ADARB1: variants seen among roughly 807,000 people sequenced by gnomAD.
ADARB1 encodes the protein double-stranded RNA-specific editase 1.
Under a neutral mutation model 52.4 loss-of-function variants are expected in ADARB1, and 10 were observed. The observed-to-expected ratio is 0.19, with a 90% CI of 0.12 to 0.32. The LOEUF (loss-of-function observed/expected upper bound fraction) is 0.32, where lower values mean the gene tolerates loss of function less well. Among genes scored for constraint, ADARB1 ranks in the 10% least tolerant of loss-of-function variants. The pLI is 1.00. For synonymous variants in ADARB1, 349 were observed against 371.1 expected (o/e 0.94, Z 0.68); for missense variants, 643 against 922.3 (o/e 0.70, Z 3.92).
chr21:45,158,969 G>A (rs1296508536), intron 2 of ADARB1, among the ~76,000 whole-genome samples: 1 of 152,116 alleles, frequency 6.6e-6, no homozygotes, highest in Non-Finnish European at 1.5e-5. Flanking sequence ...ATTCGTGTAT[G>A]TGGGAGGGAG....
intron 1 of ADARB1, among the ~76,000 whole-genome samples, chr21:45,113,186 AG>A (rs1457568959): frequency 6.6e-6 from 1 of 152,100 alleles, no homozygotes; most frequent in Non-Finnish European, 1.5e-5. Context: ...GCACTTTGGG[AG>A]GCCGAGGTGG....
chr21:45,131,761 T>A (rs1021692223), intron 2 of ADARB1, among the ~76,000 whole-genome samples: 2 of 152,260 alleles, frequency 1.3e-5, no homozygotes, highest in Non-Finnish European at 2.9e-5. Context: ...CTTTAGGGGC[T>A]GGCACTTTTC....
intron 2 of ADARB1, among the ~76,000 whole-genome samples, chr21:45,133,939 G>T (rs1243180441): frequency 4.8e-5 from 5 of 104,402 alleles, no homozygotes; most frequent in Admixed American, 9.7e-5. Flanking sequence ...GCCCGACGGG[G>T]GTGTGTGCCC....
chr21:45,160,116 T>C (rs938514165), intron 2 of ADARB1, among the ~76,000 whole-genome samples: 2 of 152,230 alleles, frequency 1.3e-5, no homozygotes, highest in African/African-American at 4.8e-5. Flanking sequence ...TCACCATGTC[T>C]GCCTCCAGGC....
Position 45,176,027 on chromosome 21 carries a change from T to C in ADARB1, c.326T>C (p.Phe109Ser). Residue 109 changes from phenylalanine (F) to serine (S), a missense_variant, in exon 4 of 11, where the codon TTT (phenylalanine) becomes TCT (serine). By Grantham distance (155) the Phe-to-Ser change is radical. Transcript: ENST00000348831. The surrounding 1 kb of genome is among the most constrained non-coding windows in gnomAD (Gnocchi z 5.8). ...SQTGPVHAPL[F>S]VMSVEVNGQV... is the part of the protein sequence containing the mutation. Reference sequence around the variant, plus strand: ...ACTGGGCCCGTGCACGCGCCTTTGTTTGTCATGTCTGTGGAGGTGAATGGC... The same window carrying C: ...ACTGGGCCCGTGCACGCGCCTTTGTCTGTCATGTCTGTGGAGGTGAATGGC... 1 of 1,614,204 alleles carries C rather than the reference T, an allele frequency of 6.2e-7. No individual in the cohort carries two copies. The highest frequency in any genetic ancestry group is 1.1e-5 in the South Asian group (1 of 91,082).
At position 45,113,495 on chromosome 21, in the gene ADARB1, ATATG is replaced by A. The variant is rs746035541; in HGVS notation, c.-219-14905_-219-14902del. Among the ~76,000 whole-genome samples, 574 of 95,764 alleles carry A rather than the reference ATATG, an allele frequency of 6.0e-3. 4 individuals carry two copies. Among genetic ancestry groups the A allele is most frequent in the Non-Finnish European group, 0.011 (435 of 41,080 alleles). The allele number at this position is 95,764 out of a possible 152,430, so 62.8% of individuals were successfully genotyped here. On this transcript the variant is annotated intron_variant, in intron 1 of 10. Transcript: ENST00000348831. ...TATATATATATGTGTGTGTGTGTATATATGTGTGTGTGTGTGTGTGTGTGTGTGT... is the reference window on the plus strand; with the variant it reads ...TATATATATATGTGTGTGTGTGTATATGTGTGTGTGTGTGTGTGTGTGTGT...
In ADARB1 at chr21:45,176,787, G is replaced by A. The variant is rs17004494; in HGVS notation, c.963+123G>A. On this transcript the variant is annotated intron_variant, in intron 4 of 10. Transcript: ENST00000348831. This position sits in a 1 kb window ranked among gnomAD's most constrained non-coding sequence, Gnocchi z 5.8. ...CTTGACATCACTCTGTCCCCACCAG[G>A]AGGAGTTACTGGTAAGTCTGGCTGC... 43,804 of 1,116,522 alleles carry A rather than the reference G, an allele frequency of 0.039. 979 individuals are homozygous for A. The highest frequency in any genetic ancestry group is 0.052 in the Middle Eastern group (187 of 3,586). The allele number at this position is 1,116,522 out of a possible 1,614,324, so 69.2% of individuals were successfully genotyped here.
At chr21:45,180,240 C>T in intron 4 of ADARB1, 90 bp from the exon 5 acceptor site, 1 of 901,654 alleles carries the variant, frequency 1.1e-6, no homozygotes, top group Non-Finnish European at 1.8e-6. Flanking sequence ...CTGTGTCACT[C>T]CATAAGGGAG....
At chr21:45,086,629 G>A (rs1411598600) in intron 1 of ADARB1, among the ~76,000 whole-genome samples, 2 of 152,158 alleles carry the variant, frequency 1.3e-5, no homozygotes, top group African/African-American at 2.4e-5. Flanking sequence ...CATGTTTTTC[G>A]GGTTCATCCG....
Position 45,183,414 on chromosome 21 carries a change from T to C in ADARB1, c.1300T>C (p.Phe434Leu). ...CTTTCAGAAATCAGAGCGAGGGGGG[T>C]TTAGGCTGAAGGAGAATGTCCAGTT... is the stretch of plus-strand genomic sequence containing the variant. The part of the protein sequence containing the change: ...SIFQKSERGG[F>L]RLKENVQFHL... Residue 434 changes from phenylalanine (F) to leucine (L), a missense_variant, in exon 7 of 11, where the codon TTT becomes CTT. Physicochemically the swap from Phe to Leu is conservative, Grantham distance 22 (BLOSUM62 0). Around this residue, in one of 2 missense-constraint regions of ADARB1, gnomAD observed 263 missense variants for 475.8 expected, o/e 0.55. Coordinates refer to ENST00000348831, the MANE Select transcript of ADARB1 (RefSeq NM_001112.4). 2 of 1,610,034 alleles carry C rather than the reference T, an allele frequency of 1.2e-6. No homozygotes were observed. Among genetic ancestry groups the C allele is most frequent in the Non-Finnish European group, 1.7e-6 (2 of 1,178,804 alleles).
chr21:45,091,275 C>T (rs1174085102), intron 1 of ADARB1, among the ~76,000 whole-genome samples: 2 of 152,174 alleles, frequency 1.3e-5, no homozygotes. Flanking sequence ...TAAATCAATC[C>T]GATTTCTTCC....
rs761354640 is a variant in ADARB1 at position 45,222,116 on chromosome 21, G to A, written c.2025G>A (p.Leu675=). 1.2e-6 allele frequency: 2 copies of A among 1,612,772 alleles called. No individual in the cohort carries two copies. Among genetic ancestry groups the A allele is most frequent in the Non-Finnish European group, 1.7e-6 (2 of 1,179,660 alleles). The change falls in exon 11 of 11, where the codon CTG becomes CTA. Residue 675 remains leucine (L), a synonymous_variant. Coordinates refer to ENST00000348831, the MANE Select transcript of ADARB1 (RefSeq NM_001112.4). ...AGTACCAGGCCGCCAAGGCGCGTCTGTTCACAGCCTTCATCAAGGCGGGGC... is the reference window on the plus strand; with the variant it reads ...AGTACCAGGCCGCCAAGGCGCGTCTATTCACAGCCTTCATCAAGGCGGGGC... ...AKEYQAAKAR[L]FTAFIKAGLG... is the part of the protein sequence containing the mutation.
At chr21:45,183,600 T>A in intron 7 of ADARB1, 90 bp downstream of exon 7, 1 of 1,440,538 alleles carries the variant, frequency 6.9e-7, no homozygotes, top group Non-Finnish European at 9.4e-7. Flanking sequence ...TTTCCTTTTT[T>A]TCTTTTTATT....
intron 2 of ADARB1, among the ~76,000 whole-genome samples, chr21:45,154,089 A>G (rs2090438602): frequency 6.6e-6 from 1 of 152,228 alleles, no homozygotes; most frequent in Non-Finnish European, 1.5e-5. Flanking sequence ...TTCTTTTGGA[A>G]TTTACTGTGA....
chr21:45,097,175 C>T lies in ADARB1; in HGVS notation c.-220+22382C>T, dbSNP rs528318188. ...TTAGGTACGAGATGGGTGGGGTTGG[C>T]CCTTTCCATTCTTTAAGGAGAGTAT... On this transcript the variant is annotated intron_variant, in intron 1 of 10. Coordinates refer to ENST00000348831, the MANE Select transcript of ADARB1 (RefSeq NM_001112.4). 2.0e-5 allele frequency among the ~76,000 whole-genome samples: 3 copies of T among 152,298 alleles called. No homozygotes were observed. The East Asian group carries it at 5.8e-4, about 29-fold the overall frequency.
rs1213460882 is a variant in ADARB1 at position 45,172,249 on chromosome 21, C to T, written c.28+565C>T. On this transcript the variant is annotated intron_variant, in intron 3 of 10. Transcript: ENST00000348831. This position sits in a 1 kb window ranked among gnomAD's most constrained non-coding sequence, Gnocchi z 4.4. ...GGGGTGGTGGAAGGCCGCTGGGGTA[C>T]GTTGGTGTTTCGGTGAAGGTACTTA... Among the ~76,000 whole-genome samples the T allele has an allele frequency of 6.6e-6, 1 of 152,066 alleles. No homozygotes were observed. The highest frequency in any genetic ancestry group is 1.5e-5 in the Non-Finnish European group (1 of 68,034).
Position 45,212,514 on chromosome 21 carries a change from A to G in ADARB1, c.1747+7778A>G, listed in dbSNP as rs1400518424. ...CACCCCAGCAGCAATCAGTAAATGC[A>G]GGAACAGTGACCTCAGGAAGACATG... is the stretch of plus-strand genomic sequence containing the variant. On this transcript the variant is annotated intron_variant, in intron 9 of 10. Transcript: ENST00000348831. Among the ~76,000 whole-genome samples, 4 of 152,268 alleles carry G rather than the reference A, an allele frequency of 2.6e-5. No individual in the cohort carries two copies. The East Asian group carries it at 7.7e-4, about 29-fold the overall frequency.
At chr21:45,148,386 T>C (rs542071703) in intron 2 of ADARB1, among the ~76,000 whole-genome samples, 2 of 152,282 alleles carry the variant, frequency 1.3e-5, no homozygotes, top group South Asian at 4.1e-4. Context: ...CCCAGTATTG[T>C]CAGCATTGAA....
In ADARB1 at chr21:45,116,214, A is replaced by G. The variant is rs528783173; in HGVS notation, c.-219-12188A>G. Among the ~76,000 whole-genome samples, 4 of 152,342 alleles carry G rather than the reference A, an allele frequency of 2.6e-5. No individual in the cohort carries two copies. The East Asian group carries it at 7.7e-4, about 29-fold the overall frequency. On this transcript the variant is annotated intron_variant, in intron 1 of 10. Coordinates refer to ENST00000348831, the MANE Select transcript of ADARB1 (RefSeq NM_001112.4). ...TCATTTTTGTCTTCTGAACAGGATC[A>G]GTCTTGGAATTGGCCTTTTCTCCAT...
Sources: allele counts gnomAD v4.1 joint callset (sites outside exome capture counted in the v4.1 genomes callset), GRCh38; gene constraint gnomAD v4.1.1; regional missense constraint gnomAD v4.1.1; non-coding constraint Gnocchi (gnomAD v3.1); transcripts MANE v1.5; gene names NCBI Gene and HGNC (gene_info 2026-07-23, HGNC 2026-07-21).